SEMA3A: variants seen among roughly 807,000 people sequenced by gnomAD.
SEMA3A encodes semaphorin-3A.
SEMA3A carries 29 observed loss-of-function variants against 97.9 expected under a neutral mutation model. The ratio of observed to expected loss-of-function variants is 0.30; its 90% confidence interval spans 0.22 to 0.40. SEMA3A has a LOEUF of 0.40. SEMA3A is among the 10% of genes least tolerant of loss of function. SEMA3A has a pLI of 1.00. For missense variants in SEMA3A, 763 were observed against 951.3 expected (o/e 0.80, Z 2.60); for synonymous variants, 321 against 323.7 (o/e 0.99, Z 0.09).
At chr7:84,357,766 A>T (rs376904611) in intron 2 of SEMA3A, among the ~76,000 whole-genome samples, 1,756 of 151,518 alleles carry the variant, frequency 0.012, 49 homozygotes, top group East Asian at 0.12. Context: ...TGTAAAAGTG[A>T]TCGTATTTCT....
chr7:84,270,898 C>A (rs548185623), intron 3 of SEMA3A, among the ~76,000 whole-genome samples: 105 of 151,888 alleles, frequency 6.9e-4, no homozygotes, highest in African/African-American at 2.3e-3. Context: ...TAAAATGGAA[C>A]TTTCAGGTAG....
chr7:84,123,201 A>C (rs1372048935), intron 3 of SEMA3A, among the ~76,000 whole-genome samples: 1 of 152,168 alleles, frequency 6.6e-6, no homozygotes, highest in Admixed American at 6.6e-5. Flanking sequence ...GGGTCAATGA[A>C]GTTAATCCAT....
intron 1 of SEMA3A, among the ~76,000 whole-genome samples, chr7:84,474,393 C>T (rs369373622): frequency 2.0e-5 from 3 of 152,186 alleles, no homozygotes; most frequent in South Asian, 2.1e-4. Flanking sequence ...TGCTCCCCTA[C>T]GCAGATTGTG....
chr7:84,311,856 A>G (rs547481487), intron 2 of SEMA3A, among the ~76,000 whole-genome samples: 1 of 152,042 alleles, frequency 6.6e-6, no homozygotes, highest in African/African-American at 2.4e-5. Flanking sequence ...TTTTGAGATT[A>G]CAGACAATTG....
At chr7:84,317,385 A>G (rs940736772) in intron 2 of SEMA3A, among the ~76,000 whole-genome samples, 4 of 152,194 alleles carry the variant, frequency 2.6e-5, no homozygotes, top group South Asian at 2.1e-4. Flanking sequence ...CAGTGACAGC[A>G]TACTCTATCA....
intron 1 of SEMA3A, among the ~76,000 whole-genome samples, chr7:84,463,165 T>G (rs975080195): frequency 6.6e-6 from 1 of 151,760 alleles, no homozygotes; most frequent in African/African-American, 2.4e-5. Context: ...ACATTCTGCG[T>G]GCATTATTCC....
chr7:84,123,826 T>TAC (rs1554331897), intron 3 of SEMA3A, among the ~76,000 whole-genome samples: 8 of 149,730 alleles, frequency 5.3e-5, no homozygotes, highest in Non-Finnish European at 8.9e-5. Context: ...TATATATATA[T>TAC]GAGAGAGAGA....
At chr7:84,294,806 A>G (rs989694890) in intron 3 of SEMA3A, among the ~76,000 whole-genome samples, 2 of 152,012 alleles carry the variant, frequency 1.3e-5, no homozygotes, top group Non-Finnish European at 2.9e-5. Flanking sequence ...TCTCATATAT[A>G]CGTGTCCCCC....
chr7:84,486,985 C>T (rs1053755006), intron 1 of SEMA3A, among the ~76,000 whole-genome samples: 15 of 151,966 alleles, frequency 9.9e-5, no homozygotes, highest in Non-Finnish European at 1.5e-4. Context: ...TTGAAATGCA[C>T]AATATTAAGT....
chr7:84,001,168 CAT>C (rs1790432212), intron 12 of SEMA3A, among the ~76,000 whole-genome samples: 1 of 151,528 alleles, frequency 6.6e-6, no homozygotes, highest in African/African-American at 2.4e-5. Context: ...ATTTTTCTGT[CAT>C]ATGTCATTAA....
At chr7:84,267,871 T>G (rs1164819648) in intron 3 of SEMA3A, among the ~76,000 whole-genome samples, 1 of 152,174 alleles carries the variant, frequency 6.6e-6, no homozygotes, top group Non-Finnish European at 1.5e-5. Flanking sequence ...ACTTTATTCT[T>G]TTCTAAATAT....
chr7:84,403,924 TA>T (rs1300228978), intron 1 of SEMA3A, among the ~76,000 whole-genome samples: 1 of 152,006 alleles, frequency 6.6e-6, no homozygotes, highest in Non-Finnish European at 1.5e-5. Context: ...CAAAGGTAGA[TA>T]AAACCACAAA....
intron 6 of SEMA3A, among the ~76,000 whole-genome samples, chr7:84,016,196 A>T (rs897528902): frequency 6.7e-6 from 1 of 149,900 alleles, no homozygotes; most frequent in African/African-American, 2.5e-5. Flanking sequence ...ACATTGGTAA[A>T]GTTAGGCTCC....
intron 2 of SEMA3A, among the ~76,000 whole-genome samples, chr7:84,333,356 G>T (rs1238069498): frequency 5.3e-5 from 8 of 152,026 alleles, no homozygotes; most frequent in Non-Finnish European, 1.2e-4. Context: ...ACTCTAACTT[G>T]ACCATGATGA....
chr7:84,447,249 G>A (rs1163813063), intron 1 of SEMA3A, among the ~76,000 whole-genome samples: 1 of 152,170 alleles, frequency 6.6e-6, no homozygotes, highest in Non-Finnish European at 1.5e-5. Context: ...GCATGGGCCT[G>A]CAGGCACCCT....
At position 83,961,520 on chromosome 7, in the gene SEMA3A, C is replaced by A; in HGVS notation, c.2167G>T (p.Glu723Ter). 1 of 1,614,042 alleles carries A rather than the reference C, an allele frequency of 6.2e-7. No homozygotes were observed. Among genetic ancestry groups the A allele is most frequent in the Admixed American group, 1.7e-5 (1 of 60,014 alleles). The change falls in exon 17 of 17, where the codon GAA becomes TAA. Residue 723 changes from glutamate (E) to a stop codon, truncating the protein, a stop_gained. Coordinates refer to ENST00000265362, the MANE Select transcript of SEMA3A (RefSeq NM_006080.3). LOFTEE classifies it high-confidence loss of function. ...PNLNTMDEFC[E>*]QVWKRDRKQR... ...TTTCGGTCCCTTTTCCAAACTTGTT[C>A]ACAGAACTCATCCATTGTGTTGAGA...
At chr7:84,094,179 T>C (rs1437839288) in intron 4 of SEMA3A, among the ~76,000 whole-genome samples, 2 of 152,102 alleles carry the variant, frequency 1.3e-5, no homozygotes, top group African/African-American at 2.4e-5. Flanking sequence ...AAAGGAACCA[T>C]ATGCCTTGGT....
intron 1 of SEMA3A, among the ~76,000 whole-genome samples, chr7:84,454,199 T>G (rs546409971): frequency 4.6e-5 from 7 of 152,304 alleles, no homozygotes; most frequent in Admixed American, 4.6e-4. Flanking sequence ...TGGGGAATAT[T>G]TTCTCTCTTT....
chr7:84,073,945 T>G (rs1793843936), intron 4 of SEMA3A, among the ~76,000 whole-genome samples: 1 of 152,038 alleles, frequency 6.6e-6, no homozygotes, highest in Non-Finnish European at 1.5e-5. Flanking sequence ...ATAGACTTTA[T>G]GTAGTCATGG....
Sources: allele counts gnomAD v4.1 joint callset (sites outside exome capture counted in the v4.1 genomes callset), GRCh38; gene constraint gnomAD v4.1.1; transcripts MANE v1.5; gene names NCBI Gene and HGNC (gene_info 2026-07-23, HGNC 2026-07-21).